The following HOXB3 variants were observed in gnomAD, a reference collection of about 807,000 sequenced individuals.
HOXB3 encodes homeobox B3.
HOXB3 carries 17 observed loss-of-function variants against 29.2 expected under a neutral mutation model. The ratio of observed to expected loss-of-function variants is 0.58; its 90% CI spans 0.40 to 0.87. The LOEUF (loss-of-function observed/expected upper bound fraction) is 0.87. Among genes scored for constraint, HOXB3 ranks in the 40% least tolerant of loss-of-function variants. The pLI, the probability that HOXB3 is intolerant of heterozygous loss-of-function variation, is 0.00. For missense variants in HOXB3, 637 were observed against 616.3 expected (o/e 1.03, Z -0.35); for synonymous variants, 317 against 285.9 (o/e 1.11, Z -1.10).
Position 48,551,298 on chromosome 17 carries a change from C to T in HOXB3, c.449-117G>A, listed in dbSNP as rs530903078. On this transcript the variant is annotated intron_variant, in intron 4 of 4. Coordinates refer to ENST00000498678, the MANE Select transcript of HOXB3 (RefSeq NM_001384749.1). ...AATCCAGGCCTGGACTCAGAGCCCC[C>T]GCCGCCCTCCCCTTCGGGTCCCCGC... is the stretch of plus-strand genomic sequence containing the variant. 1.6e-5 allele frequency: 19 copies of T among 1,190,620 alleles called. No individual in the cohort carries two copies. In the East Asian group the frequency reaches 7.2e-4, roughly 45 times the overall value. 73.8% of individuals were successfully genotyped at this position (1,190,620 alleles called of 1,614,324 possible).
chr17:48,583,689 T>C (rs2069992954), intron 1 of HOXB3, among the ~76,000 whole-genome samples: 1 of 152,212 alleles, frequency 6.6e-6, no homozygotes, highest in African/African-American at 2.4e-5. Flanking sequence ...TGCTCCAGTC[T>C]ATACCTAAAT....
At chr17:48,574,160 T>TA (rs397721778) in intron 1 of HOXB3, 146 bp from the exon 2 acceptor site, 42 of 381,904 alleles carry the variant, frequency 1.1e-4, no homozygotes, top group African/African-American at 1.7e-4. Flanking sequence ...CTTTTTTTTT[T>TA]AAATTCTATT....
chr17:48,562,572 T>C (rs1156869814), intron 2 of HOXB3, among the ~76,000 whole-genome samples: 1 of 152,138 alleles, frequency 6.6e-6, no homozygotes, highest in African/African-American at 2.4e-5. Flanking sequence ...TGCAGCGAGT[T>C]TGCATTTCAA....
At chr17:48,579,134 T>G (rs2069869664) in intron 1 of HOXB3, 1 of 152,248 alleles carries the variant, frequency 6.6e-6, no homozygotes, top group South Asian at 2.1e-4. Flanking sequence ...GTCCCCCTTC[T>G]CCTATCCACT....
At chr17:48,579,079 T>C (rs2069867968) in intron 1 of HOXB3, 1 of 152,220 alleles carries the variant, frequency 6.6e-6, no homozygotes. Context: ...CTTCCAAATC[T>C]CATTTAGCTG....
intron 1 of HOXB3, chr17:48,575,151 G>C (rs1394153619): frequency 6.6e-6 from 1 of 152,194 alleles, no homozygotes; most frequent in Non-Finnish European, 1.5e-5. Flanking sequence ...CATTTTATTT[G>C]CTTATGACAA....
intron 2 of HOXB3, among the ~76,000 whole-genome samples, chr17:48,566,509 G>A (rs555141540): frequency 2.0e-5 from 3 of 151,918 alleles, no homozygotes; most frequent in Non-Finnish European, 4.4e-5. Flanking sequence ...AGACTTCCAC[G>A]TCACAGGCAA....
rs2068629788 is a variant in HOXB3 at position 48,549,404 on chromosome 17, C to T, written c.*930G>A. Reference sequence around the variant, plus strand: ...TCTAAGTGCAACAAAAGTGTCCTGTCAGGAGGCTGAGCAAGGCACACAGGC... The same window carrying T: ...TCTAAGTGCAACAAAAGTGTCCTGTTAGGAGGCTGAGCAAGGCACACAGGC... On this transcript the variant is annotated 3_prime_UTR_variant, in exon 5 of 5. Transcript: ENST00000498678. 6.6e-6 allele frequency: 1 copy of T among 151,854 alleles called. No homozygotes were observed. Among genetic ancestry groups the T allele is most frequent in the Admixed American group, 6.6e-5 (1 of 15,168 alleles). The allele number at this position is 151,854 out of a possible 1,614,324, so 9.4% of individuals were successfully genotyped here. A position where few individuals can be genotyped will look rare whatever the true frequency, so the allele number is the denominator to read the frequency against.
chr17:48,554,577 T>C lies in HOXB3; in HGVS notation c.-159+954A>G. 1.4e-6 allele frequency: 1 copy of C among 697,608 alleles called. No individual in the cohort carries two copies. Among genetic ancestry groups the C allele is most frequent in the South Asian group, 1.5e-5 (1 of 67,416 alleles). 43.2% of individuals were successfully genotyped at this position (697,608 alleles called of 1,614,324 possible). ...TAGTCCCTGGCTGCTGCTGCCAGGC[T>C]GCCTCAGCCGGTCGCTGCTGCCGCG... On this transcript the variant is annotated intron_variant, in intron 3 of 4. Transcript: ENST00000498678. The surrounding 1 kb of genome is among the most constrained non-coding windows in gnomAD (Gnocchi z 4.1).
chr17:48,551,147 G>T lies in HOXB3; in HGVS notation c.483C>A (p.Gly161=), dbSNP rs557227249. Residue 161 remains glycine (G), a synonymous_variant, in exon 5 of 5, where the codon GGC becomes GGA. Transcript: ENST00000498678. ...EGCGGGGGGG[G]GGGSGGSGGG... is the part of the protein sequence containing the mutation. Reference sequence around the variant, plus strand: ...CCCCGCTGCCACCACTGCCTCCGCCGCCGCCGCCACCGCCGCCGCCACCAC... The same window carrying T: ...CCCCGCTGCCACCACTGCCTCCGCCTCCGCCGCCACCGCCGCCGCCACCAC... 6.2e-6 allele frequency: 8 copies of T among 1,297,058 alleles called. No homozygotes were observed. The highest frequency in any genetic ancestry group is 5.9e-6 in the Non-Finnish European group (6 of 1,021,288). 80.3% of individuals were successfully genotyped at this position (1,297,058 alleles called of 1,614,324 possible).
intron 1 of HOXB3, among the ~76,000 whole-genome samples, chr17:48,586,571 G>A (rs2070052055): frequency 6.6e-6 from 1 of 152,142 alleles, no homozygotes; most frequent in African/African-American, 2.4e-5. Flanking sequence ...AATTATTGAT[G>A]AGATATGAGC....
chr17:48,577,134 T>C, intron 1 of HOXB3: 1 of 1,066,138 alleles, frequency 9.4e-7, no homozygotes, highest in Non-Finnish European at 1.3e-6. Flanking sequence ...CCACCTCTTC[T>C]TCCTTCTGAG....
chr17:48,577,543 TCCTCCTCCA>T lies in HOXB3; in HGVS notation c.-424-3538_-424-3530del, dbSNP rs764853200. On this transcript the variant is annotated intron_variant, in intron 1 of 4. Coordinates refer to ENST00000498678, the MANE Select transcript of HOXB3 (RefSeq NM_001384749.1). ...AATACGGATTACCTCCTCCTCCTTC[TCCTCCTCCA>T]CCTCCTCCACCCCTCCCCAACTTCC... is the stretch of plus-strand genomic sequence containing the variant. 3.3e-5 allele frequency among the ~76,000 whole-genome samples: 5 copies of T among 152,238 alleles called. No individual in the cohort carries two copies. In the South Asian group the frequency reaches 6.2e-4, roughly 19 times the overall value.
rs2070122224 is a variant in HOXB3 at position 48,590,139 on chromosome 17, CCTGGGCCGCCGCTGCCTT to C, written c.-457_-440del. Reference sequence around the variant, plus strand: ...AAGCGACTTACTGCGGGAATGCTGGCCTGGGCCGCCGCTGCCTTCTGGGCTGGTCCGGCTGCTCCAGGC... The same window carrying C: ...AAGCGACTTACTGCGGGAATGCTGGCCTGGGCTGGTCCGGCTGCTCCAGGC... On this transcript the variant is annotated 5_prime_UTR_variant, in exon 1 of 5. Coordinates refer to ENST00000498678, the MANE Select transcript of HOXB3 (RefSeq NM_001384749.1). The C allele has an allele frequency of 6.6e-6, 1 of 152,258 alleles. No homozygotes were observed. The highest frequency in any genetic ancestry group is 6.5e-5 in the Admixed American group (1 of 15,282). 9.4% of individuals were successfully genotyped at this position (152,258 alleles called of 1,614,324 possible).
intron 2 of HOXB3, among the ~76,000 whole-genome samples, chr17:48,563,705 A>G (rs2144816733): frequency 6.6e-6 from 1 of 152,180 alleles, no homozygotes; most frequent in East Asian, 1.9e-4. Context: ...TGAAGCCATA[A>G]ATCACCCCCT....
At chr17:48,576,596 G>A (rs1009449746) in intron 1 of HOXB3, 3 of 764,848 alleles carry the variant, frequency 3.9e-6, no homozygotes, top group African/African-American at 3.5e-5. Flanking sequence ...TATATAAAGT[G>A]TGGGGGAGGG....
At chr17:48,557,898 C>G (rs946216066) in intron 2 of HOXB3, among the ~76,000 whole-genome samples, 6 of 152,122 alleles carry the variant, frequency 3.9e-5, no homozygotes, top group African/African-American at 1.4e-4. Flanking sequence ...AAAGTCTGTC[C>G]TGAGATCTCT....
rs1454474499 is a variant in HOXB3 at position 48,554,087 on chromosome 17, C to T, written c.-159+1444G>A. 6.6e-6 allele frequency among the ~76,000 whole-genome samples: 1 copy of T among 152,228 alleles called. No individual in the cohort carries two copies. The highest frequency in any genetic ancestry group is 1.5e-5 in the Non-Finnish European group (1 of 68,032). ...TGGAAATACACATGGGTCTGCAAAG[C>T]AGCAGGTCCTTCCAGGGAGAACCAG... On this transcript the variant is annotated intron_variant, in intron 3 of 4. Transcript: ENST00000498678. This position sits in a 1 kb window ranked among gnomAD's most constrained non-coding sequence, Gnocchi z 4.1.
At chr17:48,577,543 T>TCCTCCTCCA (rs764853200) in intron 1 of HOXB3, among the ~76,000 whole-genome samples, 1 of 152,120 alleles carries the variant, frequency 6.6e-6, no homozygotes, top group African/African-American at 2.4e-5. Context: ...CTCCTCCTTC[T>TCCTCCTCCA]CCTCCTCCAC....
Sources: gnomAD v4.1 joint callset for allele counts (sites outside exome capture counted in the v4.1 genomes callset) on GRCh38, gnomAD v4.1.1 for gene constraint, Gnocchi (gnomAD v3.1) non-coding constraint, MANE v1.5 for transcripts, NCBI Gene and HGNC (gene_info 2026-07-23, HGNC 2026-07-21) for gene names.